The following DENND2B variants were observed in gnomAD, a reference collection of about 807,000 sequenced individuals.
DENND2B encodes DENN domain containing 2B, also known as DENN domain-containing protein 2B.
A neutral mutation model predicts 116.0 loss-of-function variants in DENND2B; 32 were observed. That is an observed-to-expected ratio of 0.28 (90% CI 0.21 to 0.37). DENND2B has a LOEUF of 0.37. Ranked by LOEUF, DENND2B falls within the 10% of genes least tolerant of loss-of-function variation. DENND2B has a pLI of 1.00. For missense variants in DENND2B, 1,276 were observed against 1,477.7 expected (o/e 0.86, Z 2.24); for synonymous variants, 588 against 583.9 (o/e 1.01, Z -0.10).
intron 11 of DENND2B, among the ~76,000 whole-genome samples, chr11:8,709,635 C>T (rs1352937516): frequency 6.6e-6 from 1 of 152,212 alleles, no homozygotes; most frequent in Non-Finnish European, 1.5e-5. Flanking sequence ...CCAGTCCATC[C>T]TCTGGGGGTG....
At chr11:8,743,438 T>G (rs921915063) in intron 2 of DENND2B, among the ~76,000 whole-genome samples, 4 of 151,698 alleles carry the variant, frequency 2.6e-5, no homozygotes, top group African/African-American at 9.7e-5. Context: ...TAATCCCAGC[T>G]ACTTGGGAGG....
intron 4 of DENND2B, among the ~76,000 whole-genome samples, chr11:8,820,939 C>T (rs7947427): frequency 0.94 from 142,285 of 151,960 alleles, 67,317 homozygotes; most frequent in East Asian, 1. Flanking sequence ...CTGGCCAACA[C>T]GGTGAAACCC....
At chr11:8,779,518 T>C (rs1306552937) in intron 1 of DENND2B, among the ~76,000 whole-genome samples, 7 of 148,142 alleles carry the variant, frequency 4.7e-5, no homozygotes, top group Non-Finnish European at 5.9e-5. Context: ...TTCTTTCTTT[T>C]TTTTTTTTTT....
chr11:8,854,553 T>C (rs1474186499), intron 3 of DENND2B, among the ~76,000 whole-genome samples: 1 of 152,116 alleles, frequency 6.6e-6, no homozygotes, highest in Non-Finnish European at 1.5e-5. Context: ...ATTCTGTAGT[T>C]TTCTATTAAA....
intron 3 of DENND2B, among the ~76,000 whole-genome samples, chr11:8,842,412 C>A (rs150006779): frequency 6.6e-6 from 1 of 152,308 alleles, no homozygotes; most frequent in East Asian, 1.9e-4. Flanking sequence ...ATTTCTCCCT[C>A]TCAAGAGTCT....
At chr11:8,778,909 G>C (rs1483531332) in intron 1 of DENND2B, among the ~76,000 whole-genome samples, 1 of 152,258 alleles carries the variant, frequency 6.6e-6, no homozygotes, top group Non-Finnish European at 1.5e-5. Context: ...CCCAGGCTAA[G>C]TTCTACTTTC....
chr11:8,782,511 AC>A (rs2058469929), intron 1 of DENND2B, among the ~76,000 whole-genome samples: 1 of 152,238 alleles, frequency 6.6e-6, no homozygotes, highest in Non-Finnish European at 1.5e-5. Context: ...GTACAGTGTT[AC>A]ATTTATGAAA....
intron 3 of DENND2B, among the ~76,000 whole-genome samples, chr11:8,842,699 C>T (rs2062666314): frequency 6.6e-6 from 1 of 152,154 alleles, no homozygotes; most frequent in African/African-American, 2.4e-5. Flanking sequence ...TATTTCACTG[C>T]ACTTATTTCA....
intron 4 of DENND2B, among the ~76,000 whole-genome samples, chr11:8,720,112 A>AGAGGGAGGGAGGCAGGAATG (rs1457956207): frequency 7.9e-5 from 12 of 152,090 alleles, no homozygotes; most frequent in African/African-American, 2.9e-4. Flanking sequence ...GGAGGGAGAG[A>AGAGGGAGGGAGGCAGGAATG]GAGGGAGGGA....
At chr11:8,753,808 AAG>A (rs1375241919) in intron 1 of DENND2B, among the ~76,000 whole-genome samples, 9 of 152,206 alleles carry the variant, frequency 5.9e-5, no homozygotes. Context: ...ATGGGGAAAG[AAG>A]AGTCTTTTCA....
rs574480591 is a variant in DENND2B at position 8,717,371 on chromosome 11, C to T, written c.1629+370G>A. ...AGAATGCCAAGACTCCCACTAGGGC[C>T]CTGTCTTCCTGTTTCCCACAGGGTG... On this transcript the variant is annotated intron_variant, in intron 5 of 19. Coordinates refer to ENST00000313726, the MANE Select transcript of DENND2B (RefSeq NM_213618.2). 1.6e-4 allele frequency among the ~76,000 whole-genome samples: 24 copies of T among 152,322 alleles called. No individual in the cohort carries two copies. In the South Asian group the frequency reaches 4.4e-3, roughly 28 times the overall value.
At chr11:8,893,304 A>T (rs1024801708) in intron 1 of DENND2B, among the ~76,000 whole-genome samples, 4 of 152,222 alleles carry the variant, frequency 2.6e-5, no homozygotes, top group Non-Finnish European at 5.9e-5. Flanking sequence ...CTGAATGGGC[A>T]AAAACTGGAA....
chr11:8,803,152 A>G (rs2060501074), intron 1 of DENND2B, among the ~76,000 whole-genome samples: 1 of 152,206 alleles, frequency 6.6e-6, no homozygotes, highest in African/African-American at 2.4e-5. Flanking sequence ...TGGAAGGCCA[A>G]GGCAAGCAGA....
chr11:8,853,637 C>T (rs79286684), intron 3 of DENND2B, among the ~76,000 whole-genome samples: 1,641 of 152,092 alleles, frequency 0.011, 67 homozygotes, highest in Admixed American at 0.077. Flanking sequence ...TAAAAAGTTA[C>T]TGAATTAGAA....
chr11:8,832,718 A>G (rs1372046421), intron 4 of DENND2B: 3 of 152,442 alleles, frequency 2.0e-5, no homozygotes, highest in African/African-American at 7.2e-5. Flanking sequence ...CCAAGAGCTT[A>G]CCCACAGCTT....
At chr11:8,813,963 C>T (rs1353954918), upstream of DENND2B, among the ~76,000 whole-genome samples, 3 of 152,182 alleles carry the variant, frequency 2.0e-5, no homozygotes, top group Non-Finnish European at 2.9e-5. Flanking sequence ...CCAATCCTAC[C>T]TGACCCTTCT....
rs139564579 is a variant in DENND2B, at chr11:8,704,469, T to A, written c.2572-1749A>T. On this transcript the variant is annotated intron_variant, in intron 13 of 19. Coordinates refer to ENST00000313726, the MANE Select transcript of DENND2B (RefSeq NM_213618.2). ...ATGATGCTGCGCTATAAGGGAAGGG[T>A]CCCCTATCCTGTGCCCCACAGCCAC... Among the ~76,000 whole-genome samples, 663 of 151,960 alleles carry A rather than the reference T, an allele frequency of 4.4e-3. 4 individuals are homozygous for A. Among genetic ancestry groups the A allele is most frequent in the African/African-American group, 0.015 (620 of 41,440 alleles).
At chr11:8,813,299 A>G (rs1364452321), upstream of DENND2B, among the ~76,000 whole-genome samples, 1 of 152,222 alleles carries the variant, frequency 6.6e-6, no homozygotes, top group Non-Finnish European at 1.5e-5. Flanking sequence ...GCTTTAGTGA[A>G]GCAATCAGAG....
chr11:8,734,177 T>C (rs2048577656), intron 2 of DENND2B, among the ~76,000 whole-genome samples: 1 of 152,240 alleles, frequency 6.6e-6, no homozygotes, highest in East Asian at 1.9e-4. Context: ...GTCTGCATGT[T>C]TCTGATTCTA....
Sources: gnomAD v4.1 joint callset for allele counts (sites outside exome capture counted in the v4.1 genomes callset) on GRCh38, gnomAD v4.1.1 for gene constraint, MANE v1.5 for transcripts, NCBI Gene and HGNC (gene_info 2026-07-23, HGNC 2026-07-21) for gene names.